The following ASGR2 variants were observed in gnomAD, a reference collection of about 807,000 sequenced individuals.
The protein encoded by ASGR2 is C-type lectin domain family 4 member H2.
In ASGR2, 34 loss-of-function variants were observed where a neutral mutation model predicts 32.3. The ratio of observed to expected loss-of-function variants is 1.05; its 90% CI spans 0.80 to 1.40. The LOEUF (loss-of-function observed/expected upper bound fraction) is 1.40. ASGR2 is among the 40% of genes most tolerant of loss of function. ASGR2 has a pLI of 0.00. For synonymous variants in ASGR2, 143 were observed against 150.0 expected, an observed-to-expected ratio of 0.95 and a Z score of 0.34; for missense variants, 385 against 386.4, an observed-to-expected ratio of 1.00 and a Z score of 0.03.
chr17:7,102,274 C>G, intron 7 of ASGR2, 78 bp from the exon 8 acceptor site: 2 of 1,228,736 alleles, frequency 1.6e-6, no homozygotes, highest in South Asian at 1.2e-5. Context: ...GAACTGTGGC[C>G]CCTCTCAGCC....
chr17:7,104,010 A>AG (rs1305556872), intron 7 of ASGR2, among the ~76,000 whole-genome samples: 1 of 152,000 alleles, frequency 6.6e-6, no homozygotes, highest in African/African-American at 2.4e-5. Flanking sequence ...ATAAAAAAAA[A>AG]AGAGAACATG....
chr17:7,101,775 G>T (rs374882904), intron 8 of ASGR2, 35 bp from the exon 9 acceptor site: 1 of 1,603,618 alleles, frequency 6.2e-7, no homozygotes, highest in South Asian at 1.1e-5. Context: ...ACTCTGCCAC[G>T]GTGGTGAGAA....
At chr17:7,109,005 G>GC (rs964856097) in intron 2 of ASGR2, 117 bp from the exon 3 acceptor site, 14 of 936,344 alleles carry the variant, frequency 1.5e-5, no homozygotes, top group African/African-American at 9.1e-5. Flanking sequence ...TGGGGCCATG[G>GC]GGGGGGGTCA....
At position 7,114,365 on chromosome 17, in the gene ASGR2, T is replaced by G; in HGVS notation, c.-70-55A>C. ...GTTGATGGTGGGATGGAACGCAGGG[T>G]CGGAGGGGTTCGGGGTGGTGGCCTG... is the stretch of plus-strand genomic sequence containing the variant. On this transcript the variant is annotated intron_variant, in intron 1 of 8. Coordinates refer to ENST00000691900, the MANE Select transcript of ASGR2 (RefSeq NM_001201352.2). This position sits in a 1 kb window ranked among gnomAD's most constrained non-coding sequence, Gnocchi z 4.5. The G allele has an allele frequency of 2.6e-6, 3 of 1,170,796 alleles. No individual in the cohort carries two copies. The East Asian group carries it at 1.7e-4, about 67-fold the overall frequency. 72.5% of individuals were successfully genotyped at this position (1,170,796 alleles called of 1,614,324 possible).
In ASGR2 at chr17:7,104,256, G is replaced by A. The variant is rs181472514; in HGVS notation, c.649-2060C>T. The stretch of plus-strand genomic sequence containing the variant: ...CCAGCTACTTGGGAGGCTGAGGCAG[G>A]AGAATCGCTTGAACCTGGGAGGCGG... On this transcript the variant is annotated intron_variant, in intron 7 of 8. Transcript: ENST00000691900. Among the ~76,000 whole-genome samples, 643 of 150,812 alleles carry A rather than the reference G, an allele frequency of 4.3e-3. 9 individuals carry two copies. The highest frequency in any genetic ancestry group is 0.042 in the East Asian group (211 of 5,062).
Position 7,107,147 on chromosome 17 carries a change from G to C in ASGR2, c.501C>G (p.Ser167=). 6.2e-7 allele frequency: 1 copy of C among 1,614,210 alleles called. No individual in the cohort carries two copies. Among genetic ancestry groups the C allele is most frequent in the Non-Finnish European group, 8.5e-7 (1 of 1,180,038 alleles). ...CQMELLHSNG[S]QRTCCPVNWV... ...AGTTGACGGGGCAGCAGGTCCTTTG[G>C]GAGCCTGAGGGGACAGGGGGCAGGG... Residue 167 remains serine, a synonymous_variant, in exon 7 of 9, where the codon TCC becomes TCG. Transcript: ENST00000691900. The surrounding 1 kb of genome is among the most constrained non-coding windows in gnomAD (Gnocchi z 5.0).
chr17:7,101,820 T>A, intron 8 of ASGR2, 80 bp from the exon 9 acceptor site: 1 of 1,534,286 alleles, frequency 6.5e-7, no homozygotes, highest in Non-Finnish European at 8.8e-7. Flanking sequence ...TTCATGACCA[T>A]TTTCCTTGAA....
chr17:7,109,247 G>A (rs1166060553), intron 2 of ASGR2, among the ~76,000 whole-genome samples: 2 of 152,116 alleles, frequency 1.3e-5, no homozygotes, highest in Non-Finnish European at 2.9e-5. Flanking sequence ...CACACATCCT[G>A]AGAAGGGGGA....
At position 7,113,559 on chromosome 17, in the gene ASGR2, A is replaced by AC. The variant is rs1248730674; in HGVS notation, c.124+557_124+558insG. Among the ~76,000 whole-genome samples, 7 of 150,572 alleles carry AC rather than the reference A, an allele frequency of 4.6e-5. No homozygotes were observed. The highest frequency in any genetic ancestry group is 6.6e-5 in the Admixed American group (1 of 15,122). ...ACTCATACACAACATACATACACAC[A>AC]ACATACACACAACATACACACACTC... is the stretch of plus-strand genomic sequence containing the variant. On this transcript the variant is annotated intron_variant, in intron 2 of 8. Coordinates refer to ENST00000691900, the MANE Select transcript of ASGR2 (RefSeq NM_001201352.2). This position sits in a 1 kb window ranked among gnomAD's most constrained non-coding sequence, Gnocchi z 5.1.
rs1913931887 is a variant in ASGR2 at position 7,107,524 on chromosome 17, AAG to A, written c.410-209_410-208del. On this transcript the variant is annotated intron_variant, in intron 5 of 8. Coordinates refer to ENST00000691900, the MANE Select transcript of ASGR2 (RefSeq NM_001201352.2). The surrounding 1 kb of genome is among the most constrained non-coding windows in gnomAD (Gnocchi z 5.0). ...TCCATCACACACACACAAACACACC[AAG>A]AGACACACCACACACATCACATGCG... is the stretch of plus-strand genomic sequence containing the variant. 3 of 646,856 alleles carry A rather than the reference AAG, an allele frequency of 4.6e-6. No individual in the cohort carries two copies. Among genetic ancestry groups the A allele is most frequent in the Non-Finnish European group, 8.1e-6 (3 of 368,746 alleles). The allele number at this position is 646,856 out of a possible 1,614,324, so 40.1% of individuals were successfully genotyped here.
chr17:7,114,447 C>T lies in ASGR2; in HGVS notation c.-70-137G>A. ...ATGAGGTTTGAAATCCCGCTGGGTC[C>T]TTTCCCTTCTCAGGAGACCGCTTGG... On this transcript the variant is annotated intron_variant, in intron 1 of 8. Transcript: ENST00000691900. The surrounding 1 kb of genome is among the most constrained non-coding windows in gnomAD (Gnocchi z 4.5). 1 of 1,407,396 alleles carries T rather than the reference C, an allele frequency of 7.1e-7. No homozygotes were observed. The highest frequency in any genetic ancestry group is 1.5e-5 in the South Asian group (1 of 66,108). The allele number at this position is 1,407,396 out of a possible 1,614,324, so 87.2% of individuals were successfully genotyped here. A position where few individuals can be genotyped will look rare whatever the true frequency, so the allele number is the denominator to read the frequency against.
intron 7 of ASGR2, among the ~76,000 whole-genome samples, chr17:7,103,300 G>A (rs1004023254): frequency 2.0e-5 from 3 of 152,320 alleles, no homozygotes; most frequent in Middle Eastern, 3.4e-3. Context: ...CCCACAAATA[G>A]GACAAAGTCC....
chr17:7,108,952 G>T lies in ASGR2; in HGVS notation c.125-64C>A. 7.4e-7 allele frequency: 1 copy of T among 1,343,870 alleles called. No homozygotes were observed. 83.2% of individuals were successfully genotyped at this position (1,343,870 alleles called of 1,614,324 possible). A position where few individuals can be genotyped will look rare whatever the true frequency, so the allele number is the denominator to read the frequency against. ...TGGGGAGCCGGAGGGTAAAGACAGG[G>T]CACCGAAGCCTGAGGAGGCATAACC... is the stretch of plus-strand genomic sequence containing the variant. On this transcript the variant is annotated intron_variant, in intron 2 of 8. Transcript: ENST00000691900. The surrounding 1 kb of genome is among the most constrained non-coding windows in gnomAD (Gnocchi z 4.9).
rs1567765646 is a variant in ASGR2, at chr17:7,108,484, C to G, written c.315G>C (p.Glu105Asp). 1.9e-6 allele frequency: 3 copies of G among 1,607,184 alleles called. No homozygotes were observed. Among genetic ancestry groups the G allele is most frequent in the South Asian group, 2.2e-5 (2 of 89,536 alleles). The change falls in exon 4 of 9, where the codon GAG (glutamate) becomes GAC (aspartate). Residue 105 changes from glutamate to aspartate, a missense_variant. Transcript: ENST00000691900. The surrounding 1 kb of genome is among the most constrained non-coding windows in gnomAD (Gnocchi z 4.9). ...CACCGTGGGTGCTGATTGCCTGGACCTCCGTCAGGGTGCTCGAGGAGAAGT... is the reference window on the plus strand; with the variant it reads ...CACCGTGGGTGCTGATTGCCTGGACGTCCGTCAGGGTGCTCGAGGAGAAGT... ...FSNFSSSTLT[E>D]VQAISTHGGS...
intron 2 of ASGR2, among the ~76,000 whole-genome samples, chr17:7,109,733 C>A (rs564675621): frequency 1.3e-5 from 2 of 152,160 alleles, no homozygotes; most frequent in South Asian, 2.1e-4. Context: ...CACTCAAAAA[C>A]ACACATTTGC....
intron 2 of ASGR2, among the ~76,000 whole-genome samples, chr17:7,109,473 T>C (rs1235981004): frequency 6.6e-6 from 1 of 152,032 alleles, no homozygotes. Context: ...TAGCCCACTC[T>C]CCAAGCACAA....
Position 7,107,688 on chromosome 17 carries a change from C to T in ASGR2, c.409+148G>A, listed in dbSNP as rs1416470845. The T allele has an allele frequency of 5.0e-6, 5 of 996,038 alleles. No individual in the cohort carries two copies. The highest frequency in any genetic ancestry group is 1.6e-5 in the African/African-American group (1 of 62,446). 61.7% of individuals were successfully genotyped at this position (996,038 alleles called of 1,614,324 possible). On this transcript the variant is annotated intron_variant, in intron 5 of 8. Transcript: ENST00000691900. This position sits in a 1 kb window ranked among gnomAD's most constrained non-coding sequence, Gnocchi z 5.0. ...TCCATGACATATCACACCACACATACGGAGAGAGACACAGATACACATGCT... is the reference window on the plus strand; with the variant it reads ...TCCATGACATATCACACCACACATATGGAGAGAGACACAGATACACATGCT...
Position 7,114,189 on chromosome 17 carries a change from G to A in ASGR2, c.52C>T (p.His18Tyr), listed in dbSNP as rs771370134. The change falls in exon 2 of 9, where the codon CAT becomes TAT. Residue 18 changes from histidine to tyrosine, a missense_variant. His to Tyr is a moderately conservative substitution (Grantham distance 83, BLOSUM62 2). Transcript: ENST00000691900. This position sits in a 1 kb window ranked among gnomAD's most constrained non-coding sequence, Gnocchi z 4.5. ...GGCCCCTCACCTTGATGGAAAGGAT[G>A]GTCATTTTCCTCCGAGCTCAGCTGC... ...IQQLSSEEND[H>Y]PFHQGEGPGT... is the part of the protein sequence containing the mutation. 2 of 1,614,188 alleles carry A rather than the reference G, an allele frequency of 1.2e-6. No homozygotes were observed. Among genetic ancestry groups the A allele is most frequent in the South Asian group, 1.1e-5 (1 of 91,088 alleles).
Position 7,113,990 on chromosome 17 carries a change from A to C in ASGR2, c.124+127T>G. ...GTAGACAGGAAGGTGAGGTGAGGGA[A>C]CAAGCGGGGGTGTCGGGCCCTCCTC... On this transcript the variant is annotated intron_variant, in intron 2 of 8. Coordinates refer to ENST00000691900, the MANE Select transcript of ASGR2 (RefSeq NM_001201352.2). The surrounding 1 kb of genome is among the most constrained non-coding windows in gnomAD (Gnocchi z 5.1). The C allele has an allele frequency of 6.6e-6, 9 of 1,366,166 alleles. No homozygotes were observed. The highest frequency in any genetic ancestry group is 2.1e-5 in the Admixed American group (1 of 47,516). 84.6% of individuals were successfully genotyped at this position (1,366,166 alleles called of 1,614,324 possible).
Sources: gnomAD v4.1 joint callset for allele counts (sites outside exome capture counted in the v4.1 genomes callset) on GRCh38, gnomAD v4.1.1 for gene constraint, Gnocchi (gnomAD v3.1) non-coding constraint, MANE v1.5 for transcripts, NCBI Gene and HGNC (gene_info 2026-07-23, HGNC 2026-07-21) for gene names.